BCKDHB: variants seen among roughly 807,000 people sequenced by gnomAD.
BCKDHB encodes 2-oxoisovalerate dehydrogenase subunit beta, mitochondrial.
In BCKDHB, 41 loss-of-function variants were observed where a neutral mutation model predicts 48.5. The ratio of observed to expected loss-of-function variants is 0.85; its 90% CI spans 0.66 to 1.10. The LOEUF is 1.10. Among genes scored for constraint, BCKDHB ranks in the 50% least tolerant of loss-of-function variants. The pLI, the probability that BCKDHB is intolerant of heterozygous loss-of-function variation, is 0.00. For synonymous variants in BCKDHB, 201 were observed against 174.8 expected, an observed-to-expected ratio of 1.15 and a Z score of -1.18; for missense variants, 496 against 494.2, an observed-to-expected ratio of 1.00 and a Z score of -0.03.
At chr6:80,249,125 T>C (rs1008208447) in intron 8 of BCKDHB, among the ~76,000 whole-genome samples, 1 of 151,928 alleles carries the variant, frequency 6.6e-6, no homozygotes, top group Non-Finnish European at 1.5e-5. Flanking sequence ...GTAGGATGTT[T>C]AGCAGCATTC....
At chr6:80,292,446 G>T (rs767487693) in intron 9 of BCKDHB, among the ~76,000 whole-genome samples, 1 of 151,624 alleles carries the variant, frequency 6.6e-6, no homozygotes, top group Non-Finnish European at 1.5e-5. Context: ...ATCAGATCGC[G>T]TGAGACTTAT....
rs139459650 is a variant in BCKDHB, at chr6:80,107,376, C to T, written c.196+487C>T. Among the ~76,000 whole-genome samples, 9 of 143,020 alleles carry T rather than the reference C, an allele frequency of 6.3e-5. No homozygotes were observed. In the South Asian group the frequency reaches 1.5e-3, roughly 25 times the overall value. 93.8% of individuals were successfully genotyped at this position (143,020 alleles called of 152,430 possible). A position where few individuals can be genotyped will look rare whatever the true frequency, so the allele number is the denominator to read the frequency against. Reference sequence around the variant, plus strand: ...TATATATATGTATATAAAATCAATTCAGTTACTCAGTCCCTTGGTTTCTTC... The same window carrying T: ...TATATATATGTATATAAAATCAATTTAGTTACTCAGTCCCTTGGTTTCTTC... On this transcript the variant is annotated intron_variant, in intron 1 of 9. Transcript: ENST00000320393.
chr6:80,383,870 A>G, the BCKDHB span, among the ~76,000 whole-genome samples: 7 of 152,252 alleles, frequency 4.6e-5, no homozygotes, highest in South Asian at 1.5e-3. Context: ...TATACATTCT[A>G]TCTTATAATT....
chr6:80,299,484 G>T (rs1477915613), intron 9 of BCKDHB, among the ~76,000 whole-genome samples: 1 of 152,222 alleles, frequency 6.6e-6, no homozygotes, highest in Non-Finnish European at 1.5e-5. Flanking sequence ...CAGACCCCAA[G>T]AGAGGGGTTC....
At chr6:80,295,496 C>T (rs1705851709) in intron 9 of BCKDHB, among the ~76,000 whole-genome samples, 1 of 152,034 alleles carries the variant, frequency 6.6e-6, no homozygotes, top group South Asian at 2.1e-4. Flanking sequence ...TTACCTCCCA[C>T]CGGATCTCTC....
chr6:80,233,181 C>T (rs1776005551), intron 8 of BCKDHB, among the ~76,000 whole-genome samples: 1 of 151,994 alleles, frequency 6.6e-6, no homozygotes, highest in African/African-American at 2.4e-5. Flanking sequence ...GTCCTTATCT[C>T]ATTAACATAG....
intron 3 of BCKDHB, among the ~76,000 whole-genome samples, chr6:80,155,718 T>C (rs1363177888): frequency 6.6e-6 from 1 of 152,064 alleles, no homozygotes; most frequent in Non-Finnish European, 1.5e-5. Context: ...TACTGGTAAA[T>C]ATAACATTGA....
intron 1 of BCKDHB, among the ~76,000 whole-genome samples, chr6:80,109,230 AC>A (rs1169812911): frequency 6.6e-6 from 1 of 152,182 alleles, no homozygotes; most frequent in Non-Finnish European, 1.5e-5. Context: ...TAATAATAAT[AC>A]CTACTTCAGA....
chr6:80,232,415 G>A (rs1775965860), intron 8 of BCKDHB, among the ~76,000 whole-genome samples: 1 of 151,608 alleles, frequency 6.6e-6, no homozygotes, highest in Non-Finnish European at 1.5e-5. Flanking sequence ...TTTTGTAGTA[G>A]ATCTATTTTA....
intron 8 of BCKDHB, among the ~76,000 whole-genome samples, chr6:80,268,481 G>T (rs1466647518): frequency 2.0e-5 from 3 of 151,872 alleles, no homozygotes; most frequent in Non-Finnish European, 4.4e-5. Flanking sequence ...ATATTAAAAG[G>T]GCTATAAATT....
chr6:80,309,728 G>T (rs1768058177), intron 9 of BCKDHB, among the ~76,000 whole-genome samples: 1 of 152,062 alleles, frequency 6.6e-6, no homozygotes, highest in Non-Finnish European at 1.5e-5. Flanking sequence ...TTTTATTTTA[G>T]TATCGGGGTA....
intron 1 of BCKDHB, among the ~76,000 whole-genome samples, chr6:80,108,629 A>T (rs901092309): frequency 6.6e-6 from 1 of 151,602 alleles, no homozygotes; most frequent in African/African-American, 2.4e-5. Flanking sequence ...TGGGAGGCGG[A>T]GGCAGGCGGA....
At chr6:80,195,159 A>G (rs1326374289) in intron 6 of BCKDHB, among the ~76,000 whole-genome samples, 2 of 150,584 alleles carry the variant, frequency 1.3e-5, no homozygotes, top group Admixed American at 6.6e-5. Context: ...GGACAATTCT[A>G]CAGATTTTTT....
chr6:80,431,034 A>T, the BCKDHB span, among the ~76,000 whole-genome samples: 22 of 152,120 alleles, frequency 1.4e-4, no homozygotes, highest in African/African-American at 4.3e-4. Context: ...TGTTCTCATT[A>T]GTTTCAAATA....
At chr6:80,275,572 T>C (rs1444751226) in intron 9 of BCKDHB, among the ~76,000 whole-genome samples, 1 of 152,042 alleles carries the variant, frequency 6.6e-6, no homozygotes, top group Non-Finnish European at 1.5e-5. Context: ...GTATAGAAAA[T>C]GAATTTTAGT....
chr6:80,358,010 C>G, the BCKDHB span, among the ~76,000 whole-genome samples: 2 of 152,280 alleles, frequency 1.3e-5, no homozygotes, highest in South Asian at 4.1e-4. Context: ...TAACCCTTGA[C>G]TAATAGTTTG....
the BCKDHB span, among the ~76,000 whole-genome samples, chr6:80,459,585 G>T: frequency 1.3e-5 from 2 of 151,936 alleles, no homozygotes; most frequent in Non-Finnish European, 2.9e-5. Context: ...ACAATGTACT[G>T]TATGCTTAAA....
chr6:80,171,365 A>G lies in BCKDHB; in HGVS notation c.717A>G (p.Glu239=). 6.2e-7 allele frequency: 1 copy of G among 1,603,308 alleles called. No homozygotes were observed. Among genetic ancestry groups the G allele is most frequent in the Non-Finnish European group, 8.5e-7 (1 of 1,174,196 alleles). The part of the protein sequence containing the change: ...IEDKNPCIFF[E]PKILYRAAAE... ...ATAAAAATCCTTGTATATTTTTTGA[A>G]CCTAAAATACTTTACAGGGCAGCAG... The change falls in exon 6 of 10, where the codon GAA becomes GAG. Residue 239 remains glutamate, a synonymous_variant. Transcript: ENST00000320393.
chr6:80,415,210 A>G, the BCKDHB span, among the ~76,000 whole-genome samples: 5 of 152,202 alleles, frequency 3.3e-5, no homozygotes, highest in South Asian at 2.1e-4. Flanking sequence ...GTTTGCAAAC[A>G]GGGATGGTTT....
Sources: allele counts gnomAD v4.1 joint callset (sites outside exome capture counted in the v4.1 genomes callset), GRCh38; gene constraint gnomAD v4.1.1; transcripts MANE v1.5; gene names NCBI Gene and HGNC (gene_info 2026-07-23, HGNC 2026-07-21).